Variants in PTGFRN observed in about 807,000 individuals in gnomAD.
PTGFRN encodes prostaglandin F2 receptor inhibitor, also known as prostaglandin F2 receptor negative regulator.
In PTGFRN, 35 loss-of-function variants were observed where a neutral mutation model predicts 83.2. The observed-to-expected ratio is 0.42, with a 90% CI of 0.32 to 0.56. The LOEUF is 0.56. PTGFRN is among the 20% of genes least tolerant of loss of function. The pLI is 0.11. For synonymous variants in PTGFRN, 519 were observed against 498.6 expected, an observed-to-expected ratio of 1.04 and a Z score of -0.55; for missense variants, 1,051 against 1,179.5, an observed-to-expected ratio of 0.89 and a Z score of 1.60.
chr1:116,952,614 C>T lies in PTGFRN; in HGVS notation c.1213+3042C>T. ...TTATATTTGAGCACTGAATTTGCCT[C>T]TGAAGTTCTGAAGAGTTGAGACAAA... On this transcript the variant is annotated intron_variant, in intron 4 of 8. Coordinates refer to ENST00000393203, the MANE Select transcript of PTGFRN (RefSeq NM_020440.4). The surrounding 1 kb of genome is among the most constrained non-coding windows in gnomAD (Gnocchi z 4.0). Among the ~76,000 whole-genome samples, 1 of 152,054 alleles carries T rather than the reference C, an allele frequency of 6.6e-6. No homozygotes were observed. The highest frequency in any genetic ancestry group is 1.9e-4 in the East Asian group (1 of 5,198).
At chr1:116,971,359 T>A (rs1407343762) in intron 6 of PTGFRN, among the ~76,000 whole-genome samples, 2 of 152,172 alleles carry the variant, frequency 1.3e-5, no homozygotes, top group Non-Finnish European at 2.9e-5. Flanking sequence ...ACTAACAGCT[T>A]TTTTTAGAGG....
intron 1 of PTGFRN, among the ~76,000 whole-genome samples, chr1:116,937,020 T>C (rs1264551037): frequency 6.6e-6 from 1 of 152,226 alleles, no homozygotes; most frequent in African/African-American, 2.4e-5. Context: ...AGAATGGGGA[T>C]GTGCCACTTT....
At chr1:116,951,629 G>A (rs181890930) in intron 4 of PTGFRN, among the ~76,000 whole-genome samples, 17 of 152,252 alleles carry the variant, frequency 1.1e-4, no homozygotes, top group Admixed American at 2.0e-4. Flanking sequence ...TAAACCTAAC[G>A]AAAGAGCGAG....
chr1:116,951,879 C>T (rs759201560), intron 4 of PTGFRN, among the ~76,000 whole-genome samples: 4 of 152,070 alleles, frequency 2.6e-5, no homozygotes, highest in African/African-American at 4.8e-5. Flanking sequence ...TATATGCGTA[C>T]GGATACCATA....
At position 116,964,395 on chromosome 1, in the gene PTGFRN, G is replaced by A. The variant is rs73002207; in HGVS notation, c.1640-2516G>A. On this transcript the variant is annotated intron_variant, in intron 5 of 8. Coordinates refer to ENST00000393203, the MANE Select transcript of PTGFRN (RefSeq NM_020440.4). ...AATGCTTTGGTTTTTCCCTTGGCTTGTGGGACACTGCCTTCTCAGGGCTTT... is the reference window on the plus strand; with the variant it reads ...AATGCTTTGGTTTTTCCCTTGGCTTATGGGACACTGCCTTCTCAGGGCTTT... 9.2e-3 allele frequency among the ~76,000 whole-genome samples: 1,400 copies of A among 152,256 alleles called. 23 individuals are homozygous for A. The highest frequency in any genetic ancestry group is 0.032 in the African/African-American group (1,340 of 41,520).
chr1:116,967,178 A>T lies in PTGFRN; in HGVS notation c.1907A>T (p.Asp636Val). The change falls in exon 6 of 9, where the codon GAT becomes GTT. Residue 636 changes from aspartate to valine, a missense_variant. Coordinates refer to ENST00000393203, the MANE Select transcript of PTGFRN (RefSeq NM_020440.4). ...GTTGTTTTAGAAAAAGTGCAGGAGG[A>T]TGAGTTCCGCTATCGAATGTACCAG... Reference protein sequence around the residue: ...DGVVLEKVQEDEFRYRMYQTQ... With the variant: ...DGVVLEKVQEVEFRYRMYQTQ... 6.2e-7 allele frequency: 1 copy of T among 1,614,158 alleles called. No homozygotes were observed. Among genetic ancestry groups the T allele is most frequent in the Non-Finnish European group, 8.5e-7 (1 of 1,180,034 alleles).
chr1:116,925,838 A>G (rs927953508), intron 1 of PTGFRN, among the ~76,000 whole-genome samples: 6 of 152,308 alleles, frequency 3.9e-5, no homozygotes, highest in South Asian at 2.1e-4. Flanking sequence ...GGTTCTGCAC[A>G]CAGTAGGCGT....
At chr1:116,914,128 C>T (rs758342308) in intron 1 of PTGFRN, among the ~76,000 whole-genome samples, 1 of 152,224 alleles carries the variant, frequency 6.6e-6, no homozygotes, top group Non-Finnish European at 1.5e-5. Flanking sequence ...CCCTGCTTTA[C>T]ACAGTCATTC....
chr1:116,974,631 T>G, intron 7 of PTGFRN: 1 of 313,296 alleles, frequency 3.2e-6, no homozygotes, highest in Non-Finnish European at 5.8e-6. Flanking sequence ...GCTCCTTCTC[T>G]TGTGTCTTTC....
In PTGFRN at chr1:116,944,876, C is replaced by T. The variant is rs1362639387; in HGVS notation, c.616C>T (p.His206Tyr). 6.2e-7 allele frequency: 1 copy of T among 1,608,292 alleles called. No individual in the cohort carries two copies. The highest frequency in any genetic ancestry group is 1.7e-5 in the Admixed American group (1 of 59,798). Residue 206 changes from histidine (H) to tyrosine (Y), a missense_variant, in exon 3 of 9, where the codon CAC becomes TAC. Coordinates refer to ENST00000393203, the MANE Select transcript of PTGFRN (RefSeq NM_020440.4). ...VLALTHEGRF[H>Y]PGLGYEQRYH... ...CGCCCTGACCCACGAGGGCAGGTTC[C>T]ACCCGGGCCTGGGGTACGAGCAGCG...
intron 7 of PTGFRN, among the ~76,000 whole-genome samples, chr1:116,974,737 C>T (rs1651096156): frequency 6.6e-6 from 1 of 152,166 alleles, no homozygotes; most frequent in African/African-American, 2.4e-5. Context: ...TGCCCAAAGT[C>T]AGGGGGCAGT....
chr1:116,943,422 G>T (rs190267018), intron 2 of PTGFRN, among the ~76,000 whole-genome samples: 1 of 152,094 alleles, frequency 6.6e-6, no homozygotes, highest in African/African-American at 2.4e-5. Flanking sequence ...TCCCCCACCC[G>T]CACCCCACTT....
intron 4 of PTGFRN, among the ~76,000 whole-genome samples, chr1:116,955,948 A>C (rs1004088127): frequency 2.6e-5 from 4 of 152,238 alleles, no homozygotes; most frequent in Admixed American, 1.3e-4. Context: ...ATGTGAGTTC[A>C]AAGGAGGCAT....
At chr1:116,980,378 A>G (rs1016848829) in intron 7 of PTGFRN, among the ~76,000 whole-genome samples, 3 of 152,218 alleles carry the variant, frequency 2.0e-5, no homozygotes, top group African/African-American at 7.2e-5. Context: ...AAGGATTATA[A>G]ATAAATCTGC....
At chr1:116,938,317 C>G (rs1480865542) in intron 1 of PTGFRN, among the ~76,000 whole-genome samples, 2 of 152,218 alleles carry the variant, frequency 1.3e-5, no homozygotes, top group South Asian at 4.2e-4. Flanking sequence ...AAAGACATAC[C>G]CGAGACTGGG....
chr1:116,988,398 TC>T lies in PTGFRN; in HGVS notation c.*1434del, dbSNP rs1179572704. ...CTTTAAAAGCTCTGTCCTTGGAGCCTCCCGCTCCCTGAAGTGTCTCGCCCCC... is the reference window on the plus strand; with the variant it reads ...CTTTAAAAGCTCTGTCCTTGGAGCCTCCGCTCCCTGAAGTGTCTCGCCCCC... On this transcript the variant is annotated 3_prime_UTR_variant, in exon 9 of 9. Transcript: ENST00000393203. The T allele has an allele frequency of 2.0e-5, 3 of 152,688 alleles. No individual in the cohort carries two copies. Among genetic ancestry groups the T allele is most frequent in the African/African-American group, 7.2e-5 (3 of 41,436 alleles). The allele number at this position is 152,688 out of a possible 1,614,324, so 9.5% of individuals were successfully genotyped here. A position where few individuals can be genotyped will look rare whatever the true frequency, so the allele number is the denominator to read the frequency against.
chr1:116,933,176 A>G (rs1160529150), intron 1 of PTGFRN, among the ~76,000 whole-genome samples: 1 of 152,182 alleles, frequency 6.6e-6, no homozygotes. Context: ...AGAAATGCTT[A>G]TATGATTTTA....
chr1:116,912,333 G>A (rs996304868), intron 1 of PTGFRN, among the ~76,000 whole-genome samples: 6 of 152,106 alleles, frequency 3.9e-5, no homozygotes, highest in African/African-American at 1.4e-4. Flanking sequence ...AATCTCACTC[G>A]GTGTGGCTTC....
chr1:116,910,919 C>T (rs1223208197), intron 1 of PTGFRN, among the ~76,000 whole-genome samples: 3 of 152,184 alleles, frequency 2.0e-5, no homozygotes, highest in Admixed American at 6.5e-5. Context: ...AAAAGCCTGG[C>T]TTCTCCAACT....
Sources: gnomAD v4.1 joint callset for allele counts (sites outside exome capture counted in the v4.1 genomes callset) on GRCh38, gnomAD v4.1.1 for gene constraint, Gnocchi (gnomAD v3.1) non-coding constraint, MANE v1.5 for transcripts, NCBI Gene and HGNC (gene_info 2026-07-23, HGNC 2026-07-21) for gene names.